Variants in SAMMSON observed in about 807,000 individuals in gnomAD.
SAMMSON encodes the protein survival associated mitochondrial melanoma specific oncogenic non-coding RNA.
chr3:70,267,950 C>T (rs1236305787), intron 6 of SAMMSON, among the ~76,000 whole-genome samples: 1 of 151,554 alleles, frequency 6.6e-6, no homozygotes, highest in Admixed American at 6.6e-5. Flanking sequence ...CCCTTCCTTT[C>T]CCCTTCTCCT....
intron 4 of SAMMSON, among the ~76,000 whole-genome samples, chr3:70,123,874 T>C (rs1385768466): frequency 6.6e-6 from 1 of 152,222 alleles, no homozygotes; most frequent in Non-Finnish European, 1.5e-5. Context: ...CAGAATCATT[T>C]TAAGGTATCA....
chr3:70,216,969 G>A (rs1411372170), intron 4 of SAMMSON, among the ~76,000 whole-genome samples: 1 of 152,140 alleles, frequency 6.6e-6, no homozygotes, highest in Non-Finnish European at 1.5e-5. Flanking sequence ...TGTCAATTGT[G>A]CCAAGATTCA....
intron 4 of SAMMSON, among the ~76,000 whole-genome samples, chr3:70,223,141 A>G (rs892404285): frequency 2.0e-5 from 3 of 152,276 alleles, no homozygotes; most frequent in Middle Eastern, 6.8e-3. Flanking sequence ...TCATTGTTCT[A>G]TACTACTCTT....
intron 4 of SAMMSON, among the ~76,000 whole-genome samples, chr3:70,120,897 C>T (rs1216738703): frequency 6.6e-6 from 1 of 152,084 alleles, no homozygotes; most frequent in African/African-American, 2.4e-5. Context: ...GATTCAAGCG[C>T]ATTACATTTA....
intron 2 of SAMMSON, among the ~76,000 whole-genome samples, chr3:70,416,018 G>C (rs889143350): frequency 5.3e-5 from 8 of 152,120 alleles, no homozygotes; most frequent in Non-Finnish European, 7.4e-5. Flanking sequence ...ATAAGCTTTA[G>C]ATAGAAACCT....
rs1702583643 is a variant in SAMMSON at position 70,326,806 on chromosome 3, A to T, written n.740-27369A>T. On this transcript the variant is annotated intron_variant and non_coding_transcript_variant, in intron 7 of 9. Coordinates refer to ENST00000642114, the Ensembl canonical transcript of SAMMSON. Reference sequence around the variant, plus strand: ...GCAAGACAGTCATGGATAAGGTTTTATGCCTTTCAGGCATCATTGTACATA... The same window carrying T: ...GCAAGACAGTCATGGATAAGGTTTTTTGCCTTTCAGGCATCATTGTACATA... 2.0e-5 allele frequency among the ~76,000 whole-genome samples: 3 copies of T among 152,204 alleles called. No individual in the cohort carries two copies. The South Asian group carries it at 6.2e-4, about 31-fold the overall frequency.
chr3:70,419,756 A>G (rs952912320), intron 2 of SAMMSON, among the ~76,000 whole-genome samples: 3 of 152,126 alleles, frequency 2.0e-5, no homozygotes, highest in African/African-American at 7.2e-5. Context: ...CTCCTGCCTC[A>G]GCCTCCCGAG....
At chr3:70,426,008 T>C (rs975413519) in intron 2 of SAMMSON, among the ~76,000 whole-genome samples, 2 of 152,284 alleles carry the variant, frequency 1.3e-5, no homozygotes, top group East Asian at 3.9e-4. Flanking sequence ...GTTGAAAACT[T>C]AACAGAAGCA....
At chr3:70,002,133 T>C (rs1339597158) in intron 1 of SAMMSON, among the ~76,000 whole-genome samples, 1 of 152,210 alleles carries the variant, frequency 6.6e-6, no homozygotes, top group Non-Finnish European at 1.5e-5. Context: ...TTAAGTCTAG[T>C]GTTCTGTAAA....
intron 4 of SAMMSON, among the ~76,000 whole-genome samples, chr3:70,107,725 T>C (rs1283753177): frequency 1.3e-5 from 2 of 152,036 alleles, no homozygotes; most frequent in African/African-American, 4.8e-5. Flanking sequence ...TACGAATTAA[T>C]AGGATATAGA....
At chr3:70,321,699 A>G (rs1298042146) in intron 7 of SAMMSON, among the ~76,000 whole-genome samples, 1 of 152,092 alleles carries the variant, frequency 6.6e-6, no homozygotes, top group Non-Finnish European at 1.5e-5. Flanking sequence ...ATTTTATCCT[A>G]GAGGATCAAC....
rs545129118 is a variant in SAMMSON at position 70,034,236 on chromosome 3, A to T, written n.417+20564A>T. The stretch of plus-strand genomic sequence containing the variant: ...AAATAATCACCTATATTTCCAACAC[A>T]TTTCCTGGAATATACATTACAAAGT... On this transcript the variant is annotated intron_variant and non_coding_transcript_variant, in intron 3 of 9. Transcript: ENST00000642114. Among the ~76,000 whole-genome samples the T allele has an allele frequency of 8.3e-4, 127 of 152,152 alleles. 2 individuals are homozygous for T. The highest frequency in any genetic ancestry group is 6.6e-3 in the South Asian group (32 of 4,824).
intron 4 of SAMMSON, among the ~76,000 whole-genome samples, chr3:70,161,505 A>G (rs1284692148): frequency 1.3e-5 from 2 of 151,980 alleles, no homozygotes; most frequent in East Asian, 3.9e-4. Flanking sequence ...CTATCTTACC[A>G]TTCCTAGCAT....
intron 4 of SAMMSON, among the ~76,000 whole-genome samples, chr3:70,208,451 G>C (rs538449119): frequency 6.6e-6 from 1 of 151,994 alleles, no homozygotes; most frequent in Non-Finnish European, 1.5e-5. Flanking sequence ...TAAGGCAATG[G>C]GTTCTAGACT....
intron 7 of SAMMSON, among the ~76,000 whole-genome samples, chr3:70,301,854 T>C (rs957356605): frequency 2.6e-5 from 4 of 152,152 alleles, no homozygotes; most frequent in Admixed American, 6.6e-5. Context: ...CTATCTATAA[T>C]GCTGAATTTT....
At chr3:70,297,710 TA>T (rs1226153932) in intron 7 of SAMMSON, among the ~76,000 whole-genome samples, 1 of 152,116 alleles carries the variant, frequency 6.6e-6, no homozygotes, top group African/African-American at 2.4e-5. Flanking sequence ...TGTTTATTAT[TA>T]TTTTTTTCCT....
intron 4 of SAMMSON, among the ~76,000 whole-genome samples, chr3:70,224,875 T>G (rs1014830979): frequency 6.6e-6 from 1 of 152,192 alleles, no homozygotes; most frequent in Non-Finnish European, 1.5e-5. Context: ...GCTGAAAATG[T>G]ATGTTAAGTG....
intron 7 of SAMMSON, among the ~76,000 whole-genome samples, chr3:70,340,157 C>T (rs1432334657): frequency 2.0e-5 from 3 of 148,568 alleles, no homozygotes; most frequent in Non-Finnish European, 4.4e-5. Context: ...AAACCAAACA[C>T]TGCATATTCT....
intron 4 of SAMMSON, among the ~76,000 whole-genome samples, chr3:70,186,180 T>C (rs1701090152): frequency 6.6e-6 from 1 of 152,190 alleles, no homozygotes; most frequent in African/African-American, 2.4e-5. Flanking sequence ...TATTAAGTTT[T>C]CTTTACTTCA....
Sources: gnomAD v4.1 joint callset for allele counts (sites outside exome capture counted in the v4.1 genomes callset) on GRCh38, gnomAD v4.1.1 for gene constraint, MANE v1.5 for transcripts, NCBI Gene and HGNC (gene_info 2026-07-23, HGNC 2026-07-21) for gene names.